TDRD12: variants seen among roughly 807,000 people sequenced by gnomAD.
The protein encoded by TDRD12 is putative ATP-dependent RNA helicase TDRD12.
A neutral mutation model predicts 133.5 loss-of-function variants in TDRD12; 158 were observed. That is an observed-to-expected ratio of 1.18 (90% CI 1.04 to 1.35). TDRD12 has a LOEUF of 1.35. Among genes scored for constraint, TDRD12 ranks in the 40% most tolerant of loss-of-function variants. TDRD12 has a pLI of 0.00. For synonymous variants in TDRD12, 460 were observed against 477.9 expected, an observed-to-expected ratio of 0.96 and a Z score of 0.49; for missense variants, 1,443 against 1,321.3, an observed-to-expected ratio of 1.09 and a Z score of -1.43.
chr19:32,811,284 A>G, exon 24 of TDRD12: 1 of 1,536,086 alleles, frequency 6.5e-7, no homozygotes, highest in Non-Finnish European at 8.7e-7. Context: ...TTCATCGATG[A>G]AGGCAGGACG....
intron 4 of TDRD12, among the ~76,000 whole-genome samples, chr19:32,744,766 C>T (rs1010875852): frequency 3.3e-5 from 5 of 151,992 alleles, no homozygotes; most frequent in East Asian, 1.9e-4. Flanking sequence ...AGACATCAGC[C>T]CCATCCTCCC....
rs1970719248 is a variant in TDRD12 at position 32,780,111 on chromosome 19, T to G, written c.1121+2882T>G. Reference sequence around the variant, plus strand: ...TTTTTTTTTTTTTTTTGAGACAGAGTCTCGCTCTGTAGCCCAGGCTTGAGT... The same window carrying G: ...TTTTTTTTTTTTTTTTGAGACAGAGGCTCGCTCTGTAGCCCAGGCTTGAGT... On this transcript the variant is annotated intron_variant, in intron 11 of 27. Transcript: ENST00000444215. 2.2e-5 allele frequency among the ~76,000 whole-genome samples: 3 copies of G among 137,486 alleles called. No homozygotes were observed. In the South Asian group the frequency reaches 6.8e-4, roughly 31 times the overall value. 90.2% of individuals were successfully genotyped at this position (137,486 alleles called of 152,430 possible).
chr19:32,782,645 T>C (rs911071468), intron 11 of TDRD12, among the ~76,000 whole-genome samples: 2 of 152,246 alleles, frequency 1.3e-5, no homozygotes, highest in Non-Finnish European at 2.9e-5. Flanking sequence ...CCTGACTTTT[T>C]AATGATCGCC....
At chr19:32,820,872 A>G (rs1427490280) in intron 27 of TDRD12, 161 bp from the exon 28 acceptor site, 5 of 601,700 alleles carry the variant, frequency 8.3e-6, no homozygotes, top group Non-Finnish European at 1.5e-5. Context: ...CGGAAGGAAC[A>G]GAGTTGATGG....
chr19:32,722,051 A>T lies in TDRD12; in HGVS notation c.24+1955A>T, dbSNP rs116179744. 5.7e-3 allele frequency among the ~76,000 whole-genome samples: 864 copies of T among 152,074 alleles called. 9 individuals carry two copies. Among genetic ancestry groups the T allele is most frequent in the African/African-American group, 0.019 (795 of 41,476 alleles). ...TTAAAACCAGCACTCTCCTGCTCTT[A>T]CTTGATGTCTTGTGTAATCTCTCTG... is the stretch of plus-strand genomic sequence containing the variant. On this transcript the variant is annotated intron_variant, in intron 1 of 27. Coordinates refer to ENST00000444215, the Ensembl canonical transcript of TDRD12.
At chr19:32,797,215 G>C (rs959058616) in intron 14 of TDRD12, among the ~76,000 whole-genome samples, 1 of 152,030 alleles carries the variant, frequency 6.6e-6, no homozygotes, top group Non-Finnish European at 1.5e-5. Flanking sequence ...TCCTGACCTC[G>C]GGTGATCCAC....
intron 11 of TDRD12, among the ~76,000 whole-genome samples, chr19:32,780,206 C>T (rs559215424): frequency 2.0e-4 from 31 of 151,846 alleles, no homozygotes; most frequent in African/African-American, 7.5e-4. Flanking sequence ...GCCTCAGCCT[C>T]CCGAGTAGCT....
intron 7 of TDRD12, among the ~76,000 whole-genome samples, chr19:32,756,404 T>C (rs1382742156): frequency 6.6e-6 from 1 of 152,108 alleles, no homozygotes; most frequent in Admixed American, 6.5e-5. Flanking sequence ...TGTTTTTTTT[T>C]TGAGACGGAG....
At chr19:32,763,103 A>G (rs1348920445) in intron 8 of TDRD12, among the ~76,000 whole-genome samples, 3 of 152,144 alleles carry the variant, frequency 2.0e-5, no homozygotes, top group Non-Finnish European at 4.4e-5. Flanking sequence ...ACCATCGTAT[A>G]TGTGGTCTAT....
At chr19:32,811,220 T>A (rs746213597) in exon 24 of TDRD12, 1 of 1,535,980 alleles carries the variant, frequency 6.5e-7, no homozygotes. Context: ...GGTTCAGGTG[T>A]TGGAAGTGAA....
At chr19:32,808,744 A>G (rs562229295) in intron 22 of TDRD12, among the ~76,000 whole-genome samples, 10 of 152,310 alleles carry the variant, frequency 6.6e-5, no homozygotes, top group African/African-American at 1.4e-4. Flanking sequence ...TCTTTCCTGC[A>G]TTCTGTCACC....
At chr19:32,810,096 A>G (rs1966947930) in exon 23 of TDRD12, 1 of 1,516,138 alleles carries the variant, frequency 6.6e-7, no homozygotes, top group Non-Finnish European at 8.8e-7. Context: ...GTTTCAGATA[A>G]TACCTTTTTA....
chr19:32,726,667 C>T (rs1968872172), intron 1 of TDRD12, among the ~76,000 whole-genome samples: 1 of 102,704 alleles, frequency 9.7e-6, no homozygotes, highest in African/African-American at 3.9e-5. Context: ...GGGAGGATTG[C>T]TTGAGGTGAG....
chr19:32,754,016 T>C (rs1006813453), intron 6 of TDRD12, among the ~76,000 whole-genome samples: 12 of 152,230 alleles, frequency 7.9e-5, no homozygotes, highest in Non-Finnish European at 1.3e-4. Flanking sequence ...TAGGTTGTTT[T>C]TTCTCTTTCG....
intron 11 of TDRD12, among the ~76,000 whole-genome samples, chr19:32,782,824 T>C (rs1434150703): frequency 6.6e-6 from 1 of 152,242 alleles, no homozygotes; most frequent in Non-Finnish European, 1.5e-5. Context: ...GTTTGCTTTT[T>C]TCCTGTAAAT....
chr19:32,816,783 G>A (rs896126237), intron 26 of TDRD12, among the ~76,000 whole-genome samples: 19 of 152,180 alleles, frequency 1.2e-4, no homozygotes, highest in African/African-American at 4.6e-4. Flanking sequence ...TCCAGAGGGG[G>A]AAGGATCTGT....
chr19:32,744,810 C>T (rs958392457), intron 4 of TDRD12, among the ~76,000 whole-genome samples: 4 of 152,238 alleles, frequency 2.6e-5, no homozygotes, highest in Admixed American at 2.0e-4. Context: ...CTTCCCGGGA[C>T]GATGGCATTA....
In TDRD12 at chr19:32,733,062, A is replaced by G. The variant is rs151218252; in HGVS notation, c.183+1179A>G. Among the ~76,000 whole-genome samples the G allele has an allele frequency of 2.9e-3, 437 of 152,260 alleles. 2 individuals are homozygous for G. The highest frequency in any genetic ancestry group is 9.8e-3 in the African/African-American group (409 of 41,548). On this transcript the variant is annotated intron_variant, in intron 2 of 27. Coordinates refer to ENST00000444215, the Ensembl canonical transcript of TDRD12. ...GTAGCACGTGCCTGTGGCCCCAGCT[A>G]CTCTGGAGGCTAAGGCAGAAGATCA...
At chr19:32,728,297 T>C (rs1471369930) in intron 1 of TDRD12, among the ~76,000 whole-genome samples, 2 of 152,162 alleles carry the variant, frequency 1.3e-5, no homozygotes, top group East Asian at 3.8e-4. Context: ...TCTGAAAAAA[T>C]ATCATTGTGG....
Sources: allele counts gnomAD v4.1 joint callset (sites outside exome capture counted in the v4.1 genomes callset), GRCh38; gene constraint gnomAD v4.1.1; transcripts MANE v1.5; gene names NCBI Gene and HGNC (gene_info 2026-07-23, HGNC 2026-07-21).